MSRB3: variants seen among roughly 807,000 people sequenced by gnomAD.
The protein encoded by MSRB3 is methionine-R-sulfoxide reductase B3.
Under a neutral mutation model 21.0 loss-of-function variants are expected in MSRB3, and 13 were observed. The ratio of observed to expected loss-of-function variants is 0.62; its 90% CI spans 0.40 to 0.98. The LOEUF is 0.98. Among genes scored for constraint, MSRB3 ranks in the 50% least tolerant of loss-of-function variants. MSRB3 has a pLI of 0.00. For missense variants in MSRB3, 199 were observed against 230.3 expected, an observed-to-expected ratio of 0.86 and a Z score of 0.88; for synonymous variants, 87 against 88.6, an observed-to-expected ratio of 0.98 and a Z score of 0.10.
At chr12:65,282,132 C>T (rs1202656530) in intron 1 of MSRB3, 3 of 152,226 alleles carry the variant, frequency 2.0e-5, no homozygotes, top group Non-Finnish European at 4.4e-5. Flanking sequence ...GCCTGGCCAA[C>T]ACGGTGAAAC....
chr12:65,438,377 G>A (rs1176944544), intron 5 of MSRB3, among the ~76,000 whole-genome samples: 1 of 151,802 alleles, frequency 6.6e-6, no homozygotes, highest in Non-Finnish European at 1.5e-5. Flanking sequence ...AGATCCAGGA[G>A]GCTTAACATG....
chr12:65,348,618 C>T (rs190867979), intron 4 of MSRB3, among the ~76,000 whole-genome samples: 1 of 152,112 alleles, frequency 6.6e-6, no homozygotes, highest in African/African-American at 2.4e-5. Flanking sequence ...TTATTTCTTG[C>T]CTTCTGCTAG....
At chr12:65,390,273 C>T (rs1465081872) in intron 5 of MSRB3, among the ~76,000 whole-genome samples, 12 of 152,118 alleles carry the variant, frequency 7.9e-5, no homozygotes, top group Admixed American at 2.6e-4. Context: ...AAACCCCAAA[C>T]GCAACTCCTT....
chr12:65,445,923 G>A (rs1592645094), intron 5 of MSRB3, among the ~76,000 whole-genome samples: 2 of 152,090 alleles, frequency 1.3e-5, no homozygotes, highest in African/African-American at 4.8e-5. Context: ...GGGATTAGAG[G>A]TGTGAGCCAC....
rs780555275 is a variant in MSRB3 at position 65,278,696 on chromosome 12, C to T, written c.-221C>T. ...GAATTTCCCGTCATGCCTCCCGCCG[C>T]CCCGTCCGTCGCCCGGAGCCGGGGA... On this transcript the variant is annotated 5_prime_UTR_variant, in exon 1 of 7. Coordinates refer to ENST00000308259, the MANE Select transcript of MSRB3 (RefSeq NM_001031679.3). 3 of 1,345,706 alleles carry T rather than the reference C, an allele frequency of 2.2e-6. No individual in the cohort carries two copies. The highest frequency in any genetic ancestry group is 3.1e-6 in the Non-Finnish European group (3 of 969,244). 83.4% of individuals were successfully genotyped at this position (1,345,706 alleles called of 1,614,324 possible).
At chr12:65,297,741 G>A (rs1323517136) in intron 1 of MSRB3, among the ~76,000 whole-genome samples, 1 of 152,110 alleles carries the variant, frequency 6.6e-6, no homozygotes, top group African/African-American at 2.4e-5. Context: ...TGTTATGCAG[G>A]CTTATGGCAT....
intron 5 of MSRB3, among the ~76,000 whole-genome samples, chr12:65,391,258 G>A (rs1415064471): frequency 6.6e-6 from 1 of 152,144 alleles, no homozygotes; most frequent in East Asian, 1.9e-4. Context: ...AGAGGAGGTA[G>A]GTTCACATCA....
rs777995312 is a variant in MSRB3 at position 65,286,132 on chromosome 12, A to G, written c.-52+7267A>G. ...GTAAAAAAAATTCTCATATATTTGGAAAGTATACATGTGGAAATTATGACT... is the reference window on the plus strand; with the variant it reads ...GTAAAAAAAATTCTCATATATTTGGGAAGTATACATGTGGAAATTATGACT... On this transcript the variant is annotated intron_variant, in intron 1 of 6. Transcript: ENST00000308259. 4 of 152,372 alleles carry G rather than the reference A, an allele frequency of 2.6e-5. No homozygotes were observed. In the East Asian group the frequency reaches 7.7e-4, roughly 29 times the overall value. 9.4% of individuals were successfully genotyped at this position (152,372 alleles called of 1,614,324 possible).
intron 5 of MSRB3, among the ~76,000 whole-genome samples, chr12:65,377,109 A>T (rs1878668780): frequency 6.6e-6 from 1 of 152,204 alleles, no homozygotes. Flanking sequence ...AATTAAATGT[A>T]GCCTTCCTTG....
At chr12:65,441,782 C>T (rs570424597) in intron 5 of MSRB3, among the ~76,000 whole-genome samples, 6 of 152,014 alleles carry the variant, frequency 3.9e-5, no homozygotes, top group South Asian at 4.1e-4. Flanking sequence ...TGCTTTGGTT[C>T]GATGAAGGTT....
rs77902489 is a variant in MSRB3, at chr12:65,393,858, A to G, written c.292+24832A>G. Among the ~76,000 whole-genome samples, 1,012 of 152,140 alleles carry G rather than the reference A, an allele frequency of 6.7e-3. 38 individuals are homozygous for G. Among genetic ancestry groups the G allele is most frequent in the Admixed American group, 0.053 (805 of 15,252 alleles). On this transcript the variant is annotated intron_variant, in intron 5 of 6. Coordinates refer to ENST00000308259, the MANE Select transcript of MSRB3 (RefSeq NM_001031679.3). ...TGGGTATGGATGTGGGTACTTCTAG[A>G]TTCTTTAAAAAATTTTTTTAATAAA...
At chr12:65,327,593 C>T (rs1255242970) in intron 3 of MSRB3, among the ~76,000 whole-genome samples, 1 of 152,200 alleles carries the variant, frequency 6.6e-6, no homozygotes, top group Non-Finnish European at 1.5e-5. Flanking sequence ...GGTCCGACGA[C>T]TTTGTTGTCT....
chr12:65,465,557 C>T lies in MSRB3; in HGVS notation c.*2235C>T, dbSNP rs1883530136. ...TCCTACATGTCTCTCTCTACAAGCACCTCTCTAAGAAGCCTGACATCCCGG... is the reference window on the plus strand; with the variant it reads ...TCCTACATGTCTCTCTCTACAAGCATCTCTCTAAGAAGCCTGACATCCCGG... On this transcript the variant is annotated 3_prime_UTR_variant, in exon 7 of 7. Transcript: ENST00000308259. 1 of 152,138 alleles carries T rather than the reference C, an allele frequency of 6.6e-6. No homozygotes were observed. Among genetic ancestry groups the T allele is most frequent in the South Asian group, 2.1e-4 (1 of 4,814 alleles). The allele number at this position is 152,138 out of a possible 1,614,324, so 9.4% of individuals were successfully genotyped here.
At chr12:65,460,894 A>G (rs1184383798) in intron 6 of MSRB3, among the ~76,000 whole-genome samples, 1 of 152,144 alleles carries the variant, frequency 6.6e-6, no homozygotes, top group Non-Finnish European at 1.5e-5. Flanking sequence ...GGATTTTTAA[A>G]ATATGATTTG....
intron 1 of MSRB3, among the ~76,000 whole-genome samples, chr12:65,303,831 G>A (rs1409325597): frequency 1.3e-5 from 2 of 152,142 alleles, no homozygotes; most frequent in African/African-American, 4.8e-5. Flanking sequence ...GAATGGTGGA[G>A]GTTGGAAGTG....
intron 2 of MSRB3, among the ~76,000 whole-genome samples, chr12:65,323,315 G>A (rs957515038): frequency 2.0e-5 from 3 of 152,164 alleles, no homozygotes; most frequent in East Asian, 3.8e-4. Context: ...GACAAGCTTC[G>A]CTATAAAAAG....
At chr12:65,328,376 G>A (rs1402866259) in intron 3 of MSRB3, 150 bp from the exon 4 acceptor site, 24 of 628,958 alleles carry the variant, frequency 3.8e-5, no homozygotes, top group South Asian at 3.5e-4. Context: ...AAATATATTA[G>A]TAAAGTTCAG....
At chr12:65,431,443 G>C (rs191817837) in intron 5 of MSRB3, among the ~76,000 whole-genome samples, 205 of 152,020 alleles carry the variant, frequency 1.3e-3, no homozygotes, top group African/African-American at 4.7e-3. Context: ...ATACATCCCA[G>C]CGATTTAATG....
intron 5 of MSRB3, among the ~76,000 whole-genome samples, chr12:65,426,950 G>A (rs1473558506): frequency 6.6e-6 from 1 of 151,914 alleles, no homozygotes; most frequent in Non-Finnish European, 1.5e-5. Flanking sequence ...CTAATCTTAT[G>A]GAATTATTTC....
Sources: allele counts gnomAD v4.1 joint callset (sites outside exome capture counted in the v4.1 genomes callset), GRCh38; gene constraint gnomAD v4.1.1; transcripts MANE v1.5; gene names NCBI Gene and HGNC (gene_info 2026-07-23, HGNC 2026-07-21).